The following MYO5B variants were observed in gnomAD, a reference collection of about 807,000 sequenced individuals.
MYO5B encodes the protein myosin VB.
A neutral mutation model predicts 229.3 loss-of-function variants in MYO5B; 143 were observed. The observed-to-expected ratio is 0.62, with a 90% CI of 0.54 to 0.72. The LOEUF (loss-of-function observed/expected upper bound fraction) is 0.72. Among genes scored for constraint, MYO5B ranks in the 30% least tolerant of loss-of-function variants. MYO5B has a pLI of 0.00. For synonymous variants in MYO5B, 918 were observed against 885.2 expected (o/e 1.04, Z -0.66); for missense variants, 2,321 against 2,331.0 (o/e 1.00, Z 0.09).
At chr18:50,112,912 C>G (rs1022728144) in intron 1 of MYO5B, among the ~76,000 whole-genome samples, 5 of 152,216 alleles carry the variant, frequency 3.3e-5, no homozygotes, top group Non-Finnish European at 7.3e-5. Context: ...TTTGTTAGCA[C>G]AACACAGTCA....
At position 49,963,013 on chromosome 18, in the gene MYO5B, A is replaced by G. The variant is rs1420481685; in HGVS notation, c.1340T>C (p.Val447Ala). The change falls in exon 11 of 40, where the codon GTA (valine) becomes GCA (alanine). Residue 447 changes from valine to alanine, a missense_variant. By Grantham distance (64) the Val-to-Ala change is moderately conservative. Coordinates refer to ENST00000285039, the MANE Select transcript of MYO5B (RefSeq NM_001080467.3). ...GATACAGAACTGCTCAAAGCTGTTT[A>G]CCTCAAATGTCTCAAACCTACAGAA... ...LDIYGFETFE[V>A]NSFEQFCINY... is the part of the protein sequence containing the mutation. 3.7e-6 allele frequency: 6 copies of G among 1,613,860 alleles called. No individual in the cohort carries two copies. The Admixed American group carries it at 8.3e-5, about 22-fold the overall frequency.
intron 1 of MYO5B, among the ~76,000 whole-genome samples, chr18:50,175,115 C>G (rs1402070856): frequency 6.6e-6 from 1 of 152,226 alleles, no homozygotes; most frequent in Admixed American, 6.5e-5. Flanking sequence ...GGAATCTGAT[C>G]CATGTCCCCT....
chr18:50,076,593 A>G (rs898371987), intron 1 of MYO5B, among the ~76,000 whole-genome samples: 2 of 152,154 alleles, frequency 1.3e-5, no homozygotes, highest in African/African-American at 4.8e-5. Context: ...TCAAATTCCT[A>G]GAAATGAGCA....
chr18:49,872,231 G>A lies in MYO5B; in HGVS notation c.3539C>T (p.Ala1180Val), dbSNP rs561941052. The A allele has an allele frequency of 3.2e-5, 52 of 1,613,772 alleles. No individual in the cohort carries two copies. Among genetic ancestry groups the A allele is most frequent in the Middle Eastern group, 1.6e-4 (1 of 6,078 alleles). The change falls in exon 27 of 40, where the codon GCG (alanine) becomes GTG (valine). Residue 1180 changes from alanine to valine, a missense_variant and splice_region_variant. Physicochemically the swap from Ala to Val is moderately conservative, Grantham distance 64 (BLOSUM62 0). This residue lies in a region of MYO5B where 2,113 missense variants were observed against 2,044.7 expected (regional missense o/e 1.03). Coordinates refer to ENST00000285039, the MANE Select transcript of MYO5B (RefSeq NM_001080467.3). ...ATCTATGTCAGTCTGTGGTGGTTCCGCCTGCATGGATAGAGACACAAAGAT... is the reference window on the plus strand; with the variant it reads ...ATCTATGTCAGTCTGTGGTGGTTCCACCTGCATGGATAGAGACACAAAGAT... ...REQQDSKKVQAEPPQTDIDLD... is the reference protein window; with the variant it reads ...REQQDSKKVQVEPPQTDIDLD...
intron 17 of MYO5B, among the ~76,000 whole-genome samples, chr18:49,920,648 C>A (rs16951233): frequency 0.054 from 8,273 of 152,254 alleles, 582 homozygotes; most frequent in African/African-American, 0.16. Flanking sequence ...GGAAAACCCA[C>A]TCCATCCTAT....
chr18:50,147,099 T>C (rs1169119535), intron 1 of MYO5B, among the ~76,000 whole-genome samples: 1 of 152,130 alleles, frequency 6.6e-6, no homozygotes, highest in Admixed American at 6.5e-5. Context: ...AACCCTTATT[T>C]CCAGCCTGGA....
At chr18:49,995,248 A>C (rs910259416) in intron 5 of MYO5B, among the ~76,000 whole-genome samples, 3 of 130,902 alleles carry the variant, frequency 2.3e-5, no homozygotes, top group East Asian at 4.7e-4. Flanking sequence ...ATTAATCCTC[A>C]CTTATATCCT....
chr18:50,116,860 C>A (rs1326747508), intron 1 of MYO5B, among the ~76,000 whole-genome samples: 4 of 148,522 alleles, frequency 2.7e-5, no homozygotes, highest in South Asian at 2.1e-4. Flanking sequence ...AAAAAAAAAC[C>A]AAAAAACAAA....
At chr18:50,042,921 C>G (rs940071875) in intron 2 of MYO5B, among the ~76,000 whole-genome samples, 1 of 152,184 alleles carries the variant, frequency 6.6e-6, no homozygotes, top group African/African-American at 2.4e-5. Flanking sequence ...GGCTTCAACT[C>G]CTGAGGCAGA....
chr18:50,027,394 T>C (rs148466767), intron 4 of MYO5B, among the ~76,000 whole-genome samples: 1 of 152,270 alleles, frequency 6.6e-6, no homozygotes, highest in Non-Finnish European at 1.5e-5. Context: ...CTCCAATACT[T>C]GAGCCCATTT....
chr18:50,181,262 TA>T (rs765138888), intron 1 of MYO5B, among the ~76,000 whole-genome samples: 3 of 152,232 alleles, frequency 2.0e-5, no homozygotes, highest in Non-Finnish European at 2.9e-5. Context: ...ATTCTGTCTT[TA>T]AATTGTTAAC....
At chr18:49,966,016 T>C (rs1200866225) in intron 10 of MYO5B, among the ~76,000 whole-genome samples, 4 of 152,140 alleles carry the variant, frequency 2.6e-5, no homozygotes, top group Non-Finnish European at 5.9e-5. Flanking sequence ...AAATAGAGCA[T>C]AGTCCCTCAG....
chr18:50,015,387 T>C (rs1162973937), intron 4 of MYO5B, among the ~76,000 whole-genome samples: 4 of 152,204 alleles, frequency 2.6e-5, no homozygotes, highest in African/African-American at 9.7e-5. Context: ...AGGATCAGAA[T>C]TTGCTTGTTT....
intron 32 of MYO5B, 64 bp from the exon 33 acceptor site, chr18:49,847,353 G>A (rs1346741647): frequency 6.4e-7 from 1 of 1,573,502 alleles, no homozygotes. Context: ...AGGGTAGCGG[G>A]CATCTCTGGC....
At chr18:50,001,789 C>T (rs1463587003) in intron 4 of MYO5B, among the ~76,000 whole-genome samples, 2 of 152,028 alleles carry the variant, frequency 1.3e-5, no homozygotes, top group African/African-American at 4.8e-5. Flanking sequence ...TCCCAGCACT[C>T]TGGGAGGCCG....
chr18:50,023,249 C>G (rs1311201718), intron 4 of MYO5B, among the ~76,000 whole-genome samples: 1 of 152,048 alleles, frequency 6.6e-6, no homozygotes, highest in African/African-American at 2.4e-5. Flanking sequence ...GGAAAGAGCT[C>G]TAGAGAATGG....
At chr18:50,097,487 T>C (rs1196696970) in intron 1 of MYO5B, 1 of 328,302 alleles carries the variant, frequency 3.0e-6, no homozygotes, top group African/African-American at 2.2e-5. Context: ...AGTTCCAAAC[T>C]TCTTGAGAAA....
chr18:50,106,395 T>C (rs1464993251), intron 1 of MYO5B, among the ~76,000 whole-genome samples: 2 of 152,210 alleles, frequency 1.3e-5, no homozygotes, highest in Non-Finnish European at 2.9e-5. Flanking sequence ...TCACTGTTCT[T>C]GGGACCCAAG....
At chr18:49,969,512 C>A (rs181152796) in intron 10 of MYO5B, among the ~76,000 whole-genome samples, 2 of 152,094 alleles carry the variant, frequency 1.3e-5, no homozygotes, top group African/African-American at 4.8e-5. Context: ...AAACACATTC[C>A]GCCTGCTCCC....
Sources: allele counts gnomAD v4.1 joint callset (sites outside exome capture counted in the v4.1 genomes callset), GRCh38; gene constraint gnomAD v4.1.1; regional missense constraint gnomAD v4.1.1; transcripts MANE v1.5; gene names NCBI Gene and HGNC (gene_info 2026-07-23, HGNC 2026-07-21).